Variants in TRAPPC8 observed in about 807,000 individuals in gnomAD.
The protein encoded by TRAPPC8 is trafficking protein particle complex subunit 8, also known as general sporulation gene 1 homolog.
TRAPPC8 carries 54 observed loss-of-function variants against 174.3 expected under a neutral mutation model. The observed-to-expected ratio is 0.31, with a 90% CI of 0.25 to 0.39. TRAPPC8 has a LOEUF of 0.39. Among genes scored for constraint, TRAPPC8 ranks in the 10% least tolerant of loss-of-function variants. TRAPPC8 has a pLI of 1.00. For missense variants in TRAPPC8, 1,531 were observed against 1,699.1 expected (o/e 0.90, Z 1.74); for synonymous variants, 630 against 579.9 (o/e 1.09, Z -1.24).
intron 2 of TRAPPC8, among the ~76,000 whole-genome samples, chr18:31,918,932 T>A (rs1438774850): frequency 6.6e-6 from 1 of 152,202 alleles, no homozygotes; most frequent in African/African-American, 2.4e-5. Context: ...TTTATGCTGA[T>A]ATATCAAATC....
At chr18:31,921,973 CT>C (rs1263710578) in intron 2 of TRAPPC8, among the ~76,000 whole-genome samples, 1 of 152,170 alleles carries the variant, frequency 6.6e-6, no homozygotes, top group Non-Finnish European at 1.5e-5. Context: ...TACATGAGTG[CT>C]TCTGCCTCTT....
At chr18:31,933,902 T>C (rs1598761560) in intron 1 of TRAPPC8, among the ~76,000 whole-genome samples, 1 of 152,094 alleles carries the variant, frequency 6.6e-6, no homozygotes, top group Non-Finnish European at 1.5e-5. Context: ...AAAGTATACA[T>C]GCAGCCGGGC....
At chr18:31,887,912 CTT>C (rs2035793942) in intron 12 of TRAPPC8, among the ~76,000 whole-genome samples, 1 of 152,112 alleles carries the variant, frequency 6.6e-6, no homozygotes, top group African/African-American at 2.4e-5. Flanking sequence ...GTCAAATTGT[CTT>C]TGTCTGCAAA....
intron 24 of TRAPPC8, among the ~76,000 whole-genome samples, chr18:31,851,570 T>C (rs1178103932): frequency 1.3e-5 from 2 of 151,988 alleles, no homozygotes; most frequent in Non-Finnish European, 2.9e-5. Flanking sequence ...ACACCCAGTC[T>C]GGTCTTGAAC....
intron 27 of TRAPPC8, among the ~76,000 whole-genome samples, chr18:31,836,848 G>A (rs570944161): frequency 5.6e-5 from 8 of 142,472 alleles, no homozygotes; most frequent in East Asian, 2.2e-4. Context: ...TGCAAGCTCC[G>A]CCTCCTGGGT....
chr18:31,894,671 T>A (rs868285339), intron 11 of TRAPPC8, among the ~76,000 whole-genome samples: 1 of 152,058 alleles, frequency 6.6e-6, no homozygotes. Flanking sequence ...AAGCCACCAG[T>A]TGCAGCTAAT....
In TRAPPC8 at chr18:31,864,743, C is replaced by A; in HGVS notation, c.2629G>T (p.Asp877Tyr). 1 of 1,611,874 alleles carries A rather than the reference C, an allele frequency of 6.2e-7. No homozygotes were observed. Among genetic ancestry groups the A allele is most frequent in the Admixed American group, 1.7e-5 (1 of 59,656 alleles). The change falls in exon 19 of 29, where the codon GAT becomes TAT. Residue 877 changes from aspartate (D) to tyrosine (Y), a missense_variant. Transcript: ENST00000283351. ...SLSMSVRGKQ[D>Y]LEIQGPRLNN... ...AGTCGAGGACCTTGAATTTCTAAATCCTGCTTCCCTCGGACTGACATACTC... is the reference window on the plus strand; with the variant it reads ...AGTCGAGGACCTTGAATTTCTAAATACTGCTTCCCTCGGACTGACATACTC...
intron 5 of TRAPPC8, among the ~76,000 whole-genome samples, chr18:31,912,336 C>T (rs534254277): frequency 8.5e-5 from 13 of 152,050 alleles, no homozygotes; most frequent in Admixed American, 2.0e-4. Context: ...GCTAAAAATA[C>T]AAAAATTAGC....
chr18:31,921,383 G>A (rs867945058), intron 2 of TRAPPC8, among the ~76,000 whole-genome samples: 1 of 152,260 alleles, frequency 6.6e-6, no homozygotes, highest in Admixed American at 6.5e-5. Context: ...GGAGGCCGAG[G>A]CAGGCGGATT....
chr18:31,901,186 C>A (rs944461765), intron 9 of TRAPPC8, among the ~76,000 whole-genome samples, 161 bp from the exon 10 acceptor site: 7 of 151,930 alleles, frequency 4.6e-5, no homozygotes, highest in African/African-American at 1.7e-4. Flanking sequence ...ACATTTGTAG[C>A]CCAGTCACTC....
rs2037206115 is a variant in TRAPPC8 at position 31,917,663 on chromosome 18, A to T, written c.357T>A (p.Thr119=). ...AGDYDLNISA[T]TPWFESYRET... is the part of the protein sequence containing the mutation. The stretch of plus-strand genomic sequence containing the variant: ...CTCTGTAAGACTCAAACCATGGAGT[A>T]GTGGCTAAAATTAACAATATACAAA... Residue 119 remains threonine, a synonymous_variant, in exon 3 of 29, where the codon ACT becomes ACA. Transcript: ENST00000283351. 2.5e-6 allele frequency: 4 copies of T among 1,611,892 alleles called. No homozygotes were observed. The highest frequency in any genetic ancestry group is 3.4e-6 in the Non-Finnish European group (4 of 1,179,104).
At position 31,857,759 on chromosome 18, in the gene TRAPPC8, G is replaced by A. The variant is rs764368988; in HGVS notation, c.2969C>T (p.Ser990Phe). The change falls in exon 20 of 29, where the codon TCT becomes TTT. Residue 990 changes from serine (S) to phenylalanine (F), a missense_variant. Transcript: ENST00000283351. ...AYKTVVTDATSVCTALISSAS... is the reference protein window; with the variant it reads ...AYKTVVTDATFVCTALISSAS... Reference sequence around the variant, plus strand: ...TGATGATATGAGTGCTGTACACACAGAGGTAGCATCTGTCACAACAGTCTT... The same window carrying A: ...TGATGATATGAGTGCTGTACACACAAAGGTAGCATCTGTCACAACAGTCTT... The A allele has an allele frequency of 6.2e-7, 1 of 1,614,118 alleles. No individual in the cohort carries two copies. The highest frequency in any genetic ancestry group is 1.7e-5 in the Admixed American group (1 of 60,014).
chr18:31,924,566 G>A (rs1381903447), intron 2 of TRAPPC8, among the ~76,000 whole-genome samples: 1 of 151,346 alleles, frequency 6.6e-6, no homozygotes, highest in African/African-American at 2.4e-5. Context: ...TTCAAGACCA[G>A]CCTGGCCAAC....
chr18:31,890,636 A>G (rs1264421745), intron 12 of TRAPPC8, 99 bp downstream of exon 12: 1 of 1,408,132 alleles, frequency 7.1e-7, no homozygotes, highest in Non-Finnish European at 9.5e-7. Context: ...TCAGAACAAA[A>G]TTTAGTTTTT....
chr18:31,920,565 C>CT (rs1279196514), intron 2 of TRAPPC8, among the ~76,000 whole-genome samples: 4 of 151,892 alleles, frequency 2.6e-5, no homozygotes, highest in African/African-American at 9.7e-5. Context: ...CTTTGGGAGG[C>CT]TGAGGCAGGC....
intron 2 of TRAPPC8, among the ~76,000 whole-genome samples, chr18:31,924,639 G>A (rs1259977593): frequency 2.0e-5 from 3 of 146,714 alleles, no homozygotes; most frequent in African/African-American, 7.7e-5. Flanking sequence ...AAATCTGCCT[G>A]AAGCAGGAGA....
At position 31,839,352 on chromosome 18, in the gene TRAPPC8, G is replaced by A; in HGVS notation, c.3943C>T (p.His1315Tyr). 6.2e-7 allele frequency: 1 copy of A among 1,611,100 alleles called. No individual in the cohort carries two copies. The highest frequency in any genetic ancestry group is 8.5e-7 in the Non-Finnish European group (1 of 1,178,670). The change falls in exon 27 of 29, where the codon CAC becomes TAC. Residue 1315 changes from histidine (H) to tyrosine (Y), a missense_variant. Physicochemically the swap from His to Tyr is moderately conservative, Grantham distance 83 (BLOSUM62 2). Transcript: ENST00000283351. The stretch of plus-strand genomic sequence containing the variant: ...GGATGATTAAATGATTCTGGGTAGT[G>A]AAGACTCGTTTTAATGAGACTAGAA... The part of the protein sequence containing the change: ...QLSSLIKTSL[H>Y]YPESFNHPFH...
intron 20 of TRAPPC8, 138 bp from the exon 21 acceptor site, chr18:31,855,945 G>C (rs2033983852): frequency 1.0e-6 from 1 of 952,742 alleles, no homozygotes; most frequent in Non-Finnish European, 1.5e-6. Context: ...AATACATTAA[G>C]TAAAATTACA....
At chr18:31,877,173 C>A (rs1371928522) in intron 12 of TRAPPC8, among the ~76,000 whole-genome samples, 3 of 152,318 alleles carry the variant, frequency 2.0e-5, no homozygotes, top group African/African-American at 7.2e-5. Flanking sequence ...GCCCCAGCGG[C>A]TGGAAATGAA....
Sources: gnomAD v4.1 joint callset for allele counts (sites outside exome capture counted in the v4.1 genomes callset) on GRCh38, gnomAD v4.1.1 for gene constraint, MANE v1.5 for transcripts, NCBI Gene and HGNC (gene_info 2026-07-23, HGNC 2026-07-21) for gene names.